The following EGR3 variants were observed in gnomAD, a reference collection of about 807,000 sequenced individuals.
EGR3 encodes the protein early growth response protein 3.
A neutral mutation model predicts 22.4 loss-of-function variants in EGR3; 4 were observed. The ratio of observed to expected loss-of-function variants is 0.18; its 90% CI spans 0.09 to 0.41. The LOEUF (loss-of-function observed/expected upper bound fraction) is 0.41, where lower values mean the gene tolerates loss of function less well. Among genes scored for constraint, EGR3 ranks in the 10% least tolerant of loss-of-function variants. The pLI, the probability that EGR3 is intolerant of heterozygous loss-of-function variation, is 1.00. For missense variants in EGR3, 315 were observed against 541.3 expected, an observed-to-expected ratio of 0.58 and a Z score of 4.15; for synonymous variants, 219 against 226.8, an observed-to-expected ratio of 0.97 and a Z score of 0.31.
intron 1 of EGR3, chr8:22,691,687 G>C: frequency 5.1e-6 from 5 of 981,932 alleles, no homozygotes; most frequent in Non-Finnish European, 6.0e-6. Context: ...CTACGGATCG[G>C]GGTGTGGAGT....
rs1804007183 is a variant in EGR3, at chr8:22,692,554, G to A, written c.154+237C>T. 3 of 1,427,020 alleles carry A rather than the reference G, an allele frequency of 2.1e-6. No individual in the cohort carries two copies. The highest frequency in any genetic ancestry group is 1.8e-6 in the Non-Finnish European group (2 of 1,094,226). 88.4% of individuals were successfully genotyped at this position (1,427,020 alleles called of 1,614,324 possible). ...GGAGAACCGAAGCCTCTACCGTGGCGTCGCCAACCTAGCCTTCTCGATCGA... is the reference window on the plus strand; with the variant it reads ...GGAGAACCGAAGCCTCTACCGTGGCATCGCCAACCTAGCCTTCTCGATCGA... On this transcript the variant is annotated intron_variant, in intron 1 of 1. Transcript: ENST00000317216. The surrounding 1 kb of genome is among the most constrained non-coding windows in gnomAD (Gnocchi z 6.2).
At position 22,693,210 on chromosome 8, in the gene EGR3, G is replaced by T. The variant is rs1244606019; in HGVS notation, c.-266C>A. 1 of 146,276 alleles carries T rather than the reference G, an allele frequency of 6.8e-6. No individual in the cohort carries two copies. Among genetic ancestry groups the T allele is most frequent in the African/African-American group, 2.8e-5 (1 of 36,296 alleles). The allele number at this position is 146,276 out of a possible 1,614,324, so 9.1% of individuals were successfully genotyped here. A position where few individuals can be genotyped will look rare whatever the true frequency, so the allele number is the denominator to read the frequency against. ...CTGGTGCGGTATGAGGCTGGGTCGT[G>T]GGGGGGGTGGGGCGTGTGCGGGGGG... On this transcript the variant is annotated 5_prime_UTR_variant, in exon 1 of 2. Transcript: ENST00000317216.
chr8:22,691,603 G>C, intron 1 of EGR3, 121 bp from the exon 2 acceptor site: 1 of 1,462,910 alleles, frequency 6.8e-7, no homozygotes, highest in Non-Finnish European at 9.1e-7. Flanking sequence ...AGCGCATGGG[G>C]TAAGAGGAAC....
Position 22,688,977 on chromosome 8 carries a change from A to C in EGR3, c.*1496T>G, listed in dbSNP as rs1320771152. ...CCATATCTTTGAGGAAATTTTGGAC[A>C]GAGATGTGTATATGTGTATACACAC... is the stretch of plus-strand genomic sequence containing the variant. On this transcript the variant is annotated 3_prime_UTR_variant, in exon 2 of 2. Coordinates refer to ENST00000317216, the MANE Select transcript of EGR3 (RefSeq NM_004430.3). The C allele has an allele frequency of 6.6e-6, 1 of 152,654 alleles. No homozygotes were observed. The highest frequency in any genetic ancestry group is 1.5e-5 in the Non-Finnish European group (1 of 68,048). 9.5% of individuals were successfully genotyped at this position (152,654 alleles called of 1,614,324 possible).
Position 22,692,995 on chromosome 8 carries a change from C to T in EGR3, c.-51G>A. The stretch of plus-strand genomic sequence containing the variant: ...CGCCACCGCCGCCACCGCCGCCGCT[C>T]GCTCCTAACGCAGCTTCCAGGCAAG... On this transcript the variant is annotated 5_prime_UTR_variant, in exon 1 of 2. Coordinates refer to ENST00000317216, the MANE Select transcript of EGR3 (RefSeq NM_004430.3). The surrounding 1 kb of genome is among the most constrained non-coding windows in gnomAD (Gnocchi z 6.2). The T allele has an allele frequency of 6.5e-7, 1 of 1,541,470 alleles. No individual in the cohort carries two copies. The highest frequency in any genetic ancestry group is 8.7e-7 in the Non-Finnish European group (1 of 1,147,006).
Position 22,692,005 on chromosome 8 carries a change from G to C in EGR3, c.155-523C>G. On this transcript the variant is annotated intron_variant, in intron 1 of 1. Transcript: ENST00000317216. The surrounding 1 kb of genome is among the most constrained non-coding windows in gnomAD (Gnocchi z 6.2). Reference sequence around the variant, plus strand: ...CTTTGTCCTCGGAGCGTAGAAGGGTGTCGCCCTCAAAGGGAGCTCTCCCTT... The same window carrying C: ...CTTTGTCCTCGGAGCGTAGAAGGGTCTCGCCCTCAAAGGGAGCTCTCCCTT... 1.5e-5 allele frequency: 20 copies of C among 1,294,766 alleles called. No individual in the cohort carries two copies. The highest frequency in any genetic ancestry group is 2.0e-5 in the Non-Finnish European group (20 of 1,021,476). The allele number at this position is 1,294,766 out of a possible 1,614,324, so 80.2% of individuals were successfully genotyped here.
At chr8:22,691,883 C>T in intron 1 of EGR3, 1 of 985,414 alleles carries the variant, frequency 1.0e-6, no homozygotes, top group African/African-American at 1.7e-5. Context: ...GGCCTCTTCC[C>T]TTGGCCCTGT....
Position 22,690,416 on chromosome 8 carries a change from C to G in EGR3, c.*57G>C. 6.9e-7 allele frequency: 1 copy of G among 1,441,154 alleles called. No homozygotes were observed. Among genetic ancestry groups the G allele is most frequent in the Admixed American group, 2.0e-5 (1 of 49,684 alleles). 89.3% of individuals were successfully genotyped at this position (1,441,154 alleles called of 1,614,324 possible). ...CCGTGGCTGGCTTTCCCGCTGCTTT[C>G]AGGCTAGCAGCCGGGAGGCACTGGA... On this transcript the variant is annotated 3_prime_UTR_variant, in exon 2 of 2. Transcript: ENST00000317216.
Position 22,692,370 on chromosome 8 carries a change from G to T in EGR3, c.154+421C>A. ...GGGTGGGAGGCTGAGGGAGTAAGGG[G>T]GGAGAGCGCGGGTGAAAAAGACGCC... On this transcript the variant is annotated intron_variant, in intron 1 of 1. Transcript: ENST00000317216. This position sits in a 1 kb window ranked among gnomAD's most constrained non-coding sequence, Gnocchi z 6.2. 3.4e-6 allele frequency: 5 copies of T among 1,468,956 alleles called. No individual in the cohort carries two copies. The highest frequency in any genetic ancestry group is 1.3e-5 in the South Asian group (1 of 75,670). 91.0% of individuals were successfully genotyped at this position (1,468,956 alleles called of 1,614,324 possible). A position where few individuals can be genotyped will look rare whatever the true frequency, so the allele number is the denominator to read the frequency against.
intron 1 of EGR3, chr8:22,691,892 G>A (rs1803977947): frequency 1.6e-6 from 2 of 1,233,140 alleles, no homozygotes; most frequent in Non-Finnish European, 1.0e-6. Flanking sequence ...CCTTGGCCCT[G>A]TCCGCTCCAG....
In EGR3 at chr8:22,692,562, C is replaced by T; in HGVS notation, c.154+229G>A. The T allele has an allele frequency of 7.0e-7, 1 of 1,434,066 alleles. No homozygotes were observed. The highest frequency in any genetic ancestry group is 1.4e-5 in the African/African-American group (1 of 69,780). The allele number at this position is 1,434,066 out of a possible 1,614,324, so 88.8% of individuals were successfully genotyped here. ...GAAGCCTCTACCGTGGCGTCGCCAA[C>T]CTAGCCTTCTCGATCGAGGAGGGCG... On this transcript the variant is annotated intron_variant, in intron 1 of 1. Coordinates refer to ENST00000317216, the MANE Select transcript of EGR3 (RefSeq NM_004430.3). This position sits in a 1 kb window ranked among gnomAD's most constrained non-coding sequence, Gnocchi z 6.2.
rs898665754 is a variant in EGR3, at chr8:22,688,898, C to G, written c.*1575G>C. On this transcript the variant is annotated 3_prime_UTR_variant, in exon 2 of 2. Coordinates refer to ENST00000317216, the MANE Select transcript of EGR3 (RefSeq NM_004430.3). ...GAGGTAGGGTGGGGAGAAGGTGAGA[C>G]TGGGTATGGAAAGGAGACACCTCAT... The G allele has an allele frequency of 6.6e-6, 1 of 152,560 alleles. No homozygotes were observed. Among genetic ancestry groups the G allele is most frequent in the African/African-American group, 2.4e-5 (1 of 41,384 alleles). 9.5% of individuals were successfully genotyped at this position (152,560 alleles called of 1,614,324 possible).
chr8:22,692,254 C>T lies in EGR3; in HGVS notation c.154+537G>A. 1 of 1,492,762 alleles carries T rather than the reference C, an allele frequency of 6.7e-7. No homozygotes were observed. The highest frequency in any genetic ancestry group is 8.9e-7 in the Non-Finnish European group (1 of 1,127,608). The allele number at this position is 1,492,762 out of a possible 1,614,324, so 92.5% of individuals were successfully genotyped here. A position where few individuals can be genotyped will look rare whatever the true frequency, so the allele number is the denominator to read the frequency against. On this transcript the variant is annotated intron_variant, in intron 1 of 1. Transcript: ENST00000317216. The surrounding 1 kb of genome is among the most constrained non-coding windows in gnomAD (Gnocchi z 6.2). ...CCCCTCCTTCTCCCCGCCGTCCCCA[C>T]ACCCCCACGGCTTTGCTGAACGCCC...
In EGR3 at chr8:22,692,664, TCCACCCATCCAC is replaced by T. The variant is rs1804010566; in HGVS notation, c.154+115_154+126del. 4.2e-6 allele frequency: 6 copies of T among 1,431,370 alleles called. No homozygotes were observed. The South Asian group carries it at 6.8e-5, about 16-fold the overall frequency. The allele number at this position is 1,431,370 out of a possible 1,614,324, so 88.7% of individuals were successfully genotyped here. A position where few individuals can be genotyped will look rare whatever the true frequency, so the allele number is the denominator to read the frequency against. On this transcript the variant is annotated intron_variant, in intron 1 of 1. Transcript: ENST00000317216. The surrounding 1 kb of genome is among the most constrained non-coding windows in gnomAD (Gnocchi z 6.2). ...CCCCATCTCTCCATCCATTTATCTA[TCCACCCATCCAC>T]CCATCCATCCATCCATCCATCCATC...
In EGR3 at chr8:22,690,981, C is replaced by G; in HGVS notation, c.656G>C (p.Arg219Pro). 6.4e-7 allele frequency: 1 copy of G among 1,570,194 alleles called. No individual in the cohort carries two copies. The highest frequency in any genetic ancestry group is 8.7e-7 in the Non-Finnish European group (1 of 1,155,132). Residue 219 changes from arginine to proline, a missense_variant, in exon 2 of 2, where the codon CGG (arginine) becomes CCG (proline). Coordinates refer to ENST00000317216, the MANE Select transcript of EGR3 (RefSeq NM_004430.3). ...AGGGGTAATAGGGGGCGGGTTGACC[C>G]GGATGGGGTCCATGCCCTGGAAGGG... is the stretch of plus-strand genomic sequence containing the variant. ...HKPFQGMDPIRVNPPPITPLE... is the reference protein window; with the variant it reads ...HKPFQGMDPIPVNPPPITPLE...
chr8:22,693,089 G>T lies in EGR3; in HGVS notation c.-145C>A. On this transcript the variant is annotated 5_prime_UTR_variant, in exon 1 of 2. Coordinates refer to ENST00000317216, the MANE Select transcript of EGR3 (RefSeq NM_004430.3). ...AGAGGGAAAGTTCGGGGGGAGGGGG[G>T]AGGGAAGAAGGGAAGGGATGGGCCA... The T allele has an allele frequency of 5.4e-6, 2 of 370,096 alleles. No individual in the cohort carries two copies. The highest frequency in any genetic ancestry group is 1.1e-5 in the Non-Finnish European group (2 of 187,060). 22.9% of individuals were successfully genotyped at this position (370,096 alleles called of 1,614,324 possible).
At chr8:22,691,599 T>C (rs977801151) in intron 1 of EGR3, 117 bp from the exon 2 acceptor site, 198 of 1,473,370 alleles carry the variant, frequency 1.3e-4, no homozygotes, top group Non-Finnish European at 1.3e-4. Flanking sequence ...GCGTAGCGCA[T>C]GGGGTAAGAG....
rs1585223571 is a variant in EGR3, at chr8:22,692,348, T to C, written c.154+443A>G. Reference sequence around the variant, plus strand: ...ACGCCGCACATGGCTCCATCCCGGGTGGGAGGCTGAGGGAGTAAGGGGGGA... The same window carrying C: ...ACGCCGCACATGGCTCCATCCCGGGCGGGAGGCTGAGGGAGTAAGGGGGGA... On this transcript the variant is annotated intron_variant, in intron 1 of 1. Coordinates refer to ENST00000317216, the MANE Select transcript of EGR3 (RefSeq NM_004430.3). The surrounding 1 kb of genome is among the most constrained non-coding windows in gnomAD (Gnocchi z 6.2). 6.7e-7 allele frequency: 1 copy of C among 1,498,836 alleles called. No individual in the cohort carries two copies. The highest frequency in any genetic ancestry group is 8.8e-7 in the Non-Finnish European group (1 of 1,131,730). 92.8% of individuals were successfully genotyped at this position (1,498,836 alleles called of 1,614,324 possible).
In EGR3 at chr8:22,688,957, T is replaced by A. The variant is rs1379810195; in HGVS notation, c.*1516A>T. ...ATGGATTCATGAAAAAATCCCCATA[T>A]CTTTGAGGAAATTTTGGACAGAGAT... On this transcript the variant is annotated 3_prime_UTR_variant, in exon 2 of 2. Transcript: ENST00000317216. 6.6e-6 allele frequency: 1 copy of A among 152,536 alleles called. No individual in the cohort carries two copies. The highest frequency in any genetic ancestry group is 2.4e-5 in the African/African-American group (1 of 41,388). 9.4% of individuals were successfully genotyped at this position (152,536 alleles called of 1,614,324 possible).
Sources: allele counts gnomAD v4.1 joint callset, GRCh38; gene constraint gnomAD v4.1.1; non-coding constraint Gnocchi (gnomAD v3.1); transcripts MANE v1.5; gene names NCBI Gene and HGNC (gene_info 2026-07-23, HGNC 2026-07-21).